Variants in EYS observed in about 807,000 individuals in gnomAD.
EYS encodes the protein EGF-like photoreceptor maintenance factor.
EYS carries 250 observed loss-of-function variants against 282.1 expected under a neutral mutation model. The observed-to-expected ratio is 0.89, with a 90% CI of 0.80 to 0.98. The LOEUF (loss-of-function observed/expected upper bound fraction) is 0.98. Among genes scored for constraint, EYS ranks in the 50% least tolerant of loss-of-function variants. The pLI is 0.00. For synonymous variants in EYS, 1,355 were observed against 1,282.9 expected, an observed-to-expected ratio of 1.06 and a Z score of -1.20; for missense variants, 4,016 against 3,709.0, an observed-to-expected ratio of 1.08 and a Z score of -2.15.
intron 2 of EYS, among the ~76,000 whole-genome samples, chr6:65,549,879 T>C (rs1768535119): frequency 6.6e-6 from 1 of 152,176 alleles, no homozygotes; most frequent in South Asian, 2.1e-4. Context: ...ACAGATTACA[T>C]TAGTCAGGGA....
chr6:64,772,056 A>G (rs1374479701), intron 22 of EYS, among the ~76,000 whole-genome samples: 1 of 151,736 alleles, frequency 6.6e-6, no homozygotes, highest in Non-Finnish European at 1.5e-5. Flanking sequence ...TTTCACATGG[A>G]ATCCTTCTTT....
chr6:65,155,817 T>C (rs1257759195), intron 12 of EYS, among the ~76,000 whole-genome samples: 3 of 151,492 alleles, frequency 2.0e-5, no homozygotes, highest in Non-Finnish European at 4.4e-5. Flanking sequence ...ATGTTAGCAG[T>C]TTGACTCTGC....
intron 29 of EYS, among the ~76,000 whole-genome samples, chr6:64,338,965 C>T (rs980132749): frequency 6.9e-5 from 5 of 72,860 alleles, no homozygotes; most frequent in African/African-American, 2.0e-4. Context: ...TCATCTCCCA[C>T]ATTATACAAA....
intron 12 of EYS, among the ~76,000 whole-genome samples, chr6:65,260,274 A>G (rs968719961): frequency 3.9e-5 from 6 of 152,000 alleles, no homozygotes; most frequent in Admixed American, 3.9e-4. Context: ...CTCCCTTGAC[A>G]TGTGGGAATT....
intron 30 of EYS, among the ~76,000 whole-genome samples, chr6:64,238,292 C>T (rs1288569526): frequency 6.6e-6 from 1 of 152,130 alleles, no homozygotes; most frequent in African/African-American, 2.4e-5. Flanking sequence ...TTGCAGACCG[C>T]TGTTTCACAG....
At chr6:63,798,308 A>G (rs760693064) in intron 37 of EYS, among the ~76,000 whole-genome samples, 5 of 152,222 alleles carry the variant, frequency 3.3e-5, no homozygotes, top group South Asian at 2.1e-4. Flanking sequence ...AACTATTTTA[A>G]AAGACTCAAA....
intron 26 of EYS, among the ~76,000 whole-genome samples, chr6:64,526,728 C>T (rs1031211876): frequency 1.3e-5 from 2 of 151,766 alleles, no homozygotes; most frequent in African/African-American, 2.4e-5. Context: ...ATATTATTGA[C>T]ATTTCTATTC....
intron 14 of EYS, among the ~76,000 whole-genome samples, chr6:64,947,839 C>T (rs1312751370): frequency 6.6e-6 from 1 of 151,604 alleles, no homozygotes; most frequent in Non-Finnish European, 1.5e-5. Context: ...TGCATAAAAT[C>T]TTCGGGACAT....
chr6:65,577,586 A>C (rs1764716712), intron 2 of EYS, among the ~76,000 whole-genome samples: 1 of 151,924 alleles, frequency 6.6e-6, no homozygotes, highest in African/African-American at 2.4e-5. Flanking sequence ...TGATTACATT[A>C]AACTAAAAAG....
At chr6:65,166,609 T>G (rs932713679) in intron 12 of EYS, among the ~76,000 whole-genome samples, 1 of 151,240 alleles carries the variant, frequency 6.6e-6, no homozygotes, top group Non-Finnish European at 1.5e-5. Flanking sequence ...GCTAAACCTA[T>G]AAAACTTTTA....
intron 26 of EYS, among the ~76,000 whole-genome samples, chr6:64,584,370 T>C (rs1766166271): frequency 6.6e-6 from 1 of 151,736 alleles, no homozygotes; most frequent in Non-Finnish European, 1.5e-5. Context: ...AGCCACCATA[T>C]TATGATAATA....
intron 31 of EYS, among the ~76,000 whole-genome samples, chr6:64,195,721 TTTA>T (rs1765267955): frequency 6.6e-6 from 1 of 152,228 alleles, no homozygotes; most frequent in Non-Finnish European, 1.5e-5. Context: ...AGAATACCTA[TTTA>T]TTTTCAAATT....
At chr6:64,463,166 T>A (rs1430192572) in intron 26 of EYS, among the ~76,000 whole-genome samples, 2 of 152,064 alleles carry the variant, frequency 1.3e-5, no homozygotes, top group African/African-American at 2.4e-5. Context: ...TTAGCCAGGA[T>A]GGTCTCGATC....
chr6:64,123,948 T>C (rs1196834009), intron 31 of EYS, among the ~76,000 whole-genome samples: 1 of 152,222 alleles, frequency 6.6e-6, no homozygotes, highest in African/African-American at 2.4e-5. Context: ...TTGTCAGAGC[T>C]TTCTAATTTT....
chr6:65,696,247 G>C (rs1256836560), intron 1 of EYS, among the ~76,000 whole-genome samples: 1 of 151,886 alleles, frequency 6.6e-6, no homozygotes, highest in Non-Finnish European at 1.5e-5. Flanking sequence ...ATTTAAAAAT[G>C]TCATACTCCT....
At chr6:64,745,629 A>C (rs1772534609) in intron 22 of EYS, among the ~76,000 whole-genome samples, 1 of 152,198 alleles carries the variant, frequency 6.6e-6, no homozygotes, top group Non-Finnish European at 1.5e-5. Flanking sequence ...CTATGTATAA[A>C]AATAAGCAGT....
chr6:63,851,107 G>A (rs972026729), intron 36 of EYS, among the ~76,000 whole-genome samples: 1 of 152,190 alleles, frequency 6.6e-6, no homozygotes, highest in African/African-American at 2.4e-5. Flanking sequence ...GGGGATTCAT[G>A]CAACAAGAAG....
intron 36 of EYS, among the ~76,000 whole-genome samples, chr6:63,824,681 C>T (rs1169509883): frequency 6.6e-6 from 1 of 152,130 alleles, no homozygotes; most frequent in East Asian, 1.9e-4. Context: ...CCGAGTTTAC[C>T]TGGAGCCAAG....
At chr6:65,481,849 C>T (rs760087630) in intron 5 of EYS, among the ~76,000 whole-genome samples, 3 of 152,152 alleles carry the variant, frequency 2.0e-5, no homozygotes, top group African/African-American at 2.4e-5. Flanking sequence ...GGATTACAGG[C>T]GTGAGCCACT....
Sources: gnomAD v4.1 joint callset for allele counts (sites outside exome capture counted in the v4.1 genomes callset) on GRCh38, gnomAD v4.1.1 for gene constraint, MANE v1.5 for transcripts, NCBI Gene and HGNC (gene_info 2026-07-23, HGNC 2026-07-21) for gene names.